The following COL26A1 variants were observed in gnomAD, a reference collection of about 807,000 sequenced individuals.
COL26A1 encodes the protein collagen alpha-1(XXVI) chain.
In COL26A1, 41 loss-of-function variants were observed where a neutral mutation model predicts 59.3. The observed-to-expected ratio is 0.69, with a 90% CI of 0.54 to 0.90. The LOEUF is 0.90. Ranked by LOEUF, COL26A1 falls within the 40% of genes least tolerant of loss-of-function variation. COL26A1 has a pLI of 0.00. For missense variants in COL26A1, 612 were observed against 602.3 expected (o/e 1.02, Z -0.17); for synonymous variants, 266 against 256.0 (o/e 1.04, Z -0.37).
chr7:101,451,373 TATA>T (rs952548461), intron 3 of COL26A1, among the ~76,000 whole-genome samples: 33 of 147,092 alleles, frequency 2.2e-4, no homozygotes, highest in African/African-American at 6.6e-4. Context: ...ATAAATTATA[TATA>T]ATGTTATATT....
At chr7:101,363,999 G>T (rs1447243127) in intron 1 of COL26A1, among the ~76,000 whole-genome samples, 2 of 152,166 alleles carry the variant, frequency 1.3e-5, no homozygotes, top group Non-Finnish European at 2.9e-5. Flanking sequence ...AGCCACCCCG[G>T]GACGTGGAAC....
chr7:101,412,340 C>T (rs1026385400), intron 1 of COL26A1, among the ~76,000 whole-genome samples: 1 of 152,070 alleles, frequency 6.6e-6, no homozygotes, highest in Admixed American at 6.6e-5. Flanking sequence ...AAACCACCCC[C>T]AATTTGCATA....
intron 3 of COL26A1, among the ~76,000 whole-genome samples, chr7:101,528,263 C>T (rs895263512): frequency 6.6e-6 from 1 of 152,152 alleles, no homozygotes; most frequent in African/African-American, 2.4e-5. Flanking sequence ...AGCTGGGCCT[C>T]CCCCTCCATC....
intron 10 of COL26A1, among the ~76,000 whole-genome samples, 192 bp downstream of exon 10, chr7:101,551,335 T>C (rs1795858744): frequency 6.6e-6 from 1 of 152,126 alleles, no homozygotes; most frequent in Non-Finnish European, 1.5e-5. Context: ...GGAAGCGACC[T>C]CCAGAGAGTG....
chr7:101,365,838 T>G (rs1791033308), intron 1 of COL26A1, among the ~76,000 whole-genome samples: 1 of 151,782 alleles, frequency 6.6e-6, no homozygotes, highest in Non-Finnish European at 1.5e-5. Flanking sequence ...AAAAGGTGTT[T>G]GCAGCCTGAA....
Position 101,488,377 on chromosome 7 carries a change from T to C in COL26A1, c.385+40590T>C, listed in dbSNP as rs973311225. 3.7e-3 allele frequency among the ~76,000 whole-genome samples: 169 copies of C among 45,892 alleles called. 1 individual carries two copies. Among genetic ancestry groups the C allele is most frequent in the East Asian group, 0.011 (31 of 2,830 alleles). The allele number at this position is 45,892 out of a possible 152,430, so 30.1% of individuals were successfully genotyped here. A position where few individuals can be genotyped will look rare whatever the true frequency, so the allele number is the denominator to read the frequency against. On this transcript the variant is annotated intron_variant, in intron 3 of 12. Coordinates refer to ENST00000313669, the MANE Select transcript of COL26A1 (RefSeq NM_001278563.3). ...ATATATATATATATATATATATATA[T>C]ACACACACATTTTTTTTTTCCAGAG...
chr7:101,405,805 G>GC (rs1013747685), intron 1 of COL26A1, among the ~76,000 whole-genome samples: 27 of 152,268 alleles, frequency 1.8e-4, no homozygotes, highest in African/African-American at 6.5e-4. Flanking sequence ...CTTCTCAGCT[G>GC]CCCCCTCCAC....
intron 3 of COL26A1, among the ~76,000 whole-genome samples, chr7:101,487,822 C>A (rs950851356): frequency 2.0e-5 from 3 of 152,178 alleles, no homozygotes; most frequent in African/African-American, 4.8e-5. Context: ...TTGGCCCCCA[C>A]CACAACACTG....
intron 3 of COL26A1, among the ~76,000 whole-genome samples, chr7:101,521,841 T>C (rs2130611893): frequency 6.6e-6 from 1 of 152,200 alleles, no homozygotes; most frequent in Non-Finnish European, 1.5e-5. Flanking sequence ...CTCTTCCGCT[T>C]GTTTCTGAAC....
chr7:101,459,283 CTTTTG>C (rs1793551325), intron 3 of COL26A1, among the ~76,000 whole-genome samples: 2 of 151,752 alleles, frequency 1.3e-5, no homozygotes, highest in Admixed American at 6.6e-5. Flanking sequence ...CCCTAGAGTT[CTTTTG>C]TTTGTTTGTT....
chr7:101,480,423 A>T (rs1584445982), intron 3 of COL26A1, among the ~76,000 whole-genome samples: 1 of 151,968 alleles, frequency 6.6e-6, no homozygotes, highest in East Asian at 1.9e-4. Flanking sequence ...TACACATGTC[A>T]TATTTTATTT....
intron 1 of COL26A1, among the ~76,000 whole-genome samples, chr7:101,392,304 C>A (rs948095494): frequency 6.6e-6 from 1 of 151,922 alleles, no homozygotes; most frequent in Non-Finnish European, 1.5e-5. Context: ...CTACCTCCTG[C>A]CCCCCAGCTA....
chr7:101,547,107 C>A, intron 7 of COL26A1, 49 bp from the exon 8 acceptor site: 1 of 1,380,760 alleles, frequency 7.2e-7, no homozygotes, highest in Non-Finnish European at 1.0e-6. Flanking sequence ...CCTCCCAGCA[C>A]TGCCAGGTCT....
chr7:101,525,698 G>C (rs941913350), intron 3 of COL26A1, among the ~76,000 whole-genome samples: 1 of 151,646 alleles, frequency 6.6e-6, no homozygotes, highest in African/African-American at 2.4e-5. Flanking sequence ...GGGTTTCACT[G>C]TGTTAGCCAG....
intron 1 of COL26A1, among the ~76,000 whole-genome samples, chr7:101,405,498 T>C (rs1481218196): frequency 6.6e-6 from 1 of 151,610 alleles, no homozygotes; most frequent in African/African-American, 2.4e-5. Flanking sequence ...GCCCAGCTAA[T>C]TTTTTTTTCC....
intron 1 of COL26A1, among the ~76,000 whole-genome samples, chr7:101,390,959 C>G (rs1791714453): frequency 6.6e-6 from 1 of 152,168 alleles, no homozygotes; most frequent in South Asian, 2.1e-4. Context: ...CTTTAGAGAT[C>G]CTTTCCCTCT....
At chr7:101,499,856 G>C (rs985837975) in intron 3 of COL26A1, among the ~76,000 whole-genome samples, 1 of 147,626 alleles carries the variant, frequency 6.8e-6, no homozygotes, top group African/African-American at 2.6e-5. Context: ...CTCCAACCTG[G>C]GTGATAGAGG....
chr7:101,489,819 TTTC>T (rs1563008089), intron 3 of COL26A1, among the ~76,000 whole-genome samples: 7 of 6,518 alleles, frequency 1.1e-3, no homozygotes, highest in Non-Finnish European at 1.5e-3. Flanking sequence ...TCTTTCTTTC[TTTC>T]TTTCTTTCTT....
At chr7:101,447,218 G>A (rs1271342822) in intron 2 of COL26A1, among the ~76,000 whole-genome samples, 1 of 152,160 alleles carries the variant, frequency 6.6e-6, no homozygotes, top group African/African-American at 2.4e-5. Flanking sequence ...AGCAATTTGG[G>A]GAGGTTCAGA....
Sources: gnomAD v4.1 joint callset for allele counts (sites outside exome capture counted in the v4.1 genomes callset) on GRCh38, gnomAD v4.1.1 for gene constraint, MANE v1.5 for transcripts, NCBI Gene and HGNC (gene_info 2026-07-23, HGNC 2026-07-21) for gene names.